Variants in JARID2 observed in about 807,000 individuals in gnomAD.
The protein encoded by JARID2 is jumonji and AT-rich interaction domain containing 2.
JARID2 carries 21 observed loss-of-function variants against 125.6 expected under a neutral mutation model. The observed-to-expected ratio is 0.17, with a 90% CI of 0.12 to 0.24. The LOEUF is 0.24. JARID2 is among the 10% of genes least tolerant of loss of function. The pLI is 1.00. For missense variants in JARID2, 1,303 were observed against 1,639.6 expected, an observed-to-expected ratio of 0.79 and a Z score of 3.55; for synonymous variants, 736 against 661.6, an observed-to-expected ratio of 1.11 and a Z score of -1.73.
rs557573370 is a variant in JARID2 at position 15,250,253 on chromosome 6, A to G, written c.45+3669A>G. 2.6e-5 allele frequency among the ~76,000 whole-genome samples: 4 copies of G among 151,752 alleles called. No individual in the cohort carries two copies. The South Asian group carries it at 6.3e-4, about 24-fold the overall frequency. On this transcript the variant is annotated intron_variant, in intron 1 of 17. Coordinates refer to ENST00000341776, the MANE Select transcript of JARID2 (RefSeq NM_004973.4). ...ATAAGCTTCAAAAGGATTTACTATAATTACAACTACGTAAAATTACAAAGA... is the reference window on the plus strand; with the variant it reads ...ATAAGCTTCAAAAGGATTTACTATAGTTACAACTACGTAAAATTACAAAGA...
At chr6:15,482,897 T>A (rs1769691665) in intron 5 of JARID2, among the ~76,000 whole-genome samples, 1 of 152,140 alleles carries the variant, frequency 6.6e-6, no homozygotes, top group Admixed American at 6.5e-5. Context: ...CATTTGAAAA[T>A]AATGGTTCAG....
At chr6:15,497,379 C>T (rs1770502114) in intron 7 of JARID2, among the ~76,000 whole-genome samples, 1 of 152,202 alleles carries the variant, frequency 6.6e-6, no homozygotes, top group African/African-American at 2.4e-5. Context: ...TGGTATTGAG[C>T]TGCCGGGCGC....
intron 2 of JARID2, among the ~76,000 whole-genome samples, chr6:15,380,874 C>T (rs577619941): frequency 6.6e-6 from 1 of 151,964 alleles, no homozygotes; most frequent in African/African-American, 2.4e-5. Flanking sequence ...GTCTGATTTA[C>T]GTAAGTTTAT....
At chr6:15,512,575 T>G (rs1771330911) in intron 14 of JARID2, among the ~76,000 whole-genome samples, 185 bp downstream of exon 14, 1 of 152,222 alleles carries the variant, frequency 6.6e-6, no homozygotes, top group African/African-American at 2.4e-5. Context: ...GTTAGGGATT[T>G]GTTTGTATCA....
chr6:15,255,892 T>C (rs1759645387), intron 1 of JARID2, among the ~76,000 whole-genome samples: 1 of 152,144 alleles, frequency 6.6e-6, no homozygotes, highest in South Asian at 2.1e-4. Context: ...TGGACAGGCT[T>C]GTGAATATAT....
intron 17 of JARID2, among the ~76,000 whole-genome samples, chr6:15,518,847 C>A (rs1771690826): frequency 6.6e-6 from 1 of 152,188 alleles, no homozygotes; most frequent in Admixed American, 6.5e-5. Context: ...CTCAACCTCC[C>A]AGTGTGCCCA....
rs74737466 is a variant in JARID2, at chr6:15,361,577, G to T, written c.46-12540G>T. ...TTGATAGCCATATTTGCTTTCCCTA[G>T]CAGCTTTAACTTAAAATGAAGTTGT... On this transcript the variant is annotated intron_variant, in intron 1 of 17. Transcript: ENST00000341776. Among the ~76,000 whole-genome samples the T allele has an allele frequency of 4.7e-3, 709 of 152,234 alleles. 5 individuals are homozygous for T. Among genetic ancestry groups the T allele is most frequent in the African/African-American group, 0.016 (674 of 41,538 alleles).
chr6:15,442,376 C>A (rs1369639330), intron 3 of JARID2, among the ~76,000 whole-genome samples: 1 of 152,152 alleles, frequency 6.6e-6, no homozygotes, highest in African/African-American at 2.4e-5. Context: ...ATAATTTGTT[C>A]ACTCCTTGTA....
At chr6:15,428,940 C>CCCA (rs1554135863) in intron 3 of JARID2, among the ~76,000 whole-genome samples, 89 of 116,870 alleles carry the variant, frequency 7.6e-4, no homozygotes, top group African/African-American at 2.4e-3. Context: ...ACCCCCCCCC[C>CCCA]AAAAAAAAAA....
chr6:15,312,288 C>A (rs1359641386), intron 1 of JARID2, among the ~76,000 whole-genome samples: 1 of 152,122 alleles, frequency 6.6e-6, no homozygotes, highest in South Asian at 2.1e-4. Flanking sequence ...CTCCTGACCT[C>A]GTGATCCACC....
chr6:15,287,875 T>C (rs1040943375), intron 1 of JARID2, among the ~76,000 whole-genome samples: 2 of 152,180 alleles, frequency 1.3e-5, no homozygotes, highest in African/African-American at 4.8e-5. Context: ...ACTTCCCCAT[T>C]TGTGAGCTCT....
At chr6:15,319,689 C>A (rs1762289637) in intron 1 of JARID2, among the ~76,000 whole-genome samples, 2 of 152,134 alleles carry the variant, frequency 1.3e-5, no homozygotes, top group African/African-American at 4.8e-5. Context: ...CCGGTCTGTC[C>A]ATAGTTTCTG....
rs1406913697 is a variant in JARID2, at chr6:15,305,628, C to G, written c.45+59044C>G. Among the ~76,000 whole-genome samples, 2 of 152,160 alleles carry G rather than the reference C, an allele frequency of 1.3e-5. 1 individual carries two copies. The highest frequency in any genetic ancestry group is 4.1e-4 in the South Asian group (2 of 4,828). On this transcript the variant is annotated intron_variant, in intron 1 of 17. Transcript: ENST00000341776. ...GTAAAAGCACCTCATTTTCCCCTAACCACAGCCTCATCACTGGGTACTTGG... is the reference window on the plus strand; with the variant it reads ...GTAAAAGCACCTCATTTTCCCCTAAGCACAGCCTCATCACTGGGTACTTGG...
chr6:15,399,853 T>A (rs1765357027), intron 2 of JARID2, among the ~76,000 whole-genome samples: 1 of 152,254 alleles, frequency 6.6e-6, no homozygotes, highest in Non-Finnish European at 1.5e-5. Flanking sequence ...GCCACCATCT[T>A]CCTCCCATTG....
At chr6:15,398,705 C>A (rs1206054328) in intron 2 of JARID2, among the ~76,000 whole-genome samples, 1 of 152,118 alleles carries the variant, frequency 6.6e-6, no homozygotes, top group African/African-American at 2.4e-5. Flanking sequence ...AATTTAAATA[C>A]CCGTTTCTCT....
At chr6:15,262,476 G>A (rs1352814786) in intron 1 of JARID2, among the ~76,000 whole-genome samples, 1 of 150,372 alleles carries the variant, frequency 6.7e-6, no homozygotes, top group African/African-American at 2.4e-5. Context: ...GATGTATCAT[G>A]CTTTGTGTAT....
intron 2 of JARID2, among the ~76,000 whole-genome samples, chr6:15,395,479 A>T (rs1249563437): frequency 6.6e-6 from 1 of 152,100 alleles, no homozygotes; most frequent in Non-Finnish European, 1.5e-5. Flanking sequence ...GTTAGCCAGG[A>T]TGGTCTCGAT....
intron 1 of JARID2, among the ~76,000 whole-genome samples, chr6:15,340,823 C>G (rs1763043199): frequency 6.6e-6 from 1 of 152,164 alleles, no homozygotes; most frequent in African/African-American, 2.4e-5. Flanking sequence ...TTAGATAACA[C>G]TCAGTTGGCC....
chr6:15,293,412 C>T (rs910700877), intron 1 of JARID2, among the ~76,000 whole-genome samples: 12 of 152,178 alleles, frequency 7.9e-5, no homozygotes, highest in African/African-American at 2.7e-4. Context: ...AAGATTCCAT[C>T]TCAACAAAAA....
Sources: gnomAD v4.1 joint callset for allele counts (sites outside exome capture counted in the v4.1 genomes callset) on GRCh38, gnomAD v4.1.1 for gene constraint, MANE v1.5 for transcripts, NCBI Gene and HGNC (gene_info 2026-07-23, HGNC 2026-07-21) for gene names.